DLG2: variants seen among roughly 807,000 people sequenced by gnomAD.
The protein encoded by DLG2 is disks large homolog 2.
A neutral mutation model predicts 132.5 loss-of-function variants in DLG2; 45 were observed. That is an observed-to-expected ratio of 0.34 (90% CI 0.27 to 0.44). DLG2 has a LOEUF of 0.44. Ranked by LOEUF, DLG2 falls within the 20% of genes least tolerant of loss-of-function variation. The pLI, the probability that DLG2 is intolerant of heterozygous loss-of-function variation, is 1.00. For missense variants in DLG2, 1,045 were observed against 1,196.9 expected (o/e 0.87, Z 1.87); for synonymous variants, 424 against 419.6 (o/e 1.01, Z -0.13).
intron 18 of DLG2, among the ~76,000 whole-genome samples, chr11:83,708,248 C>G (rs943633416): frequency 9.9e-5 from 15 of 152,094 alleles, no homozygotes; most frequent in African/African-American, 3.4e-4. Context: ...CTCTAGAACA[C>G]AAAGTACCTA....
intron 3 of DLG2, among the ~76,000 whole-genome samples, chr11:85,335,621 T>TAGCATTTG (rs2082075557): frequency 6.6e-6 from 1 of 152,318 alleles, no homozygotes; most frequent in African/African-American, 2.4e-5. Context: ...TGAATACACT[T>TAGCATTTG]AGCATTTGCT....
At chr11:84,766,140 T>A (rs1395570389) in intron 6 of DLG2, among the ~76,000 whole-genome samples, 1 of 151,960 alleles carries the variant, frequency 6.6e-6, no homozygotes, top group African/African-American at 2.4e-5. Flanking sequence ...AGGAACATTG[T>A]GGAGATGAAC....
At chr11:84,487,930 G>T (rs1191493049) in intron 7 of DLG2, among the ~76,000 whole-genome samples, 1 of 152,162 alleles carries the variant, frequency 6.6e-6, no homozygotes, top group African/African-American at 2.4e-5. Flanking sequence ...ATTTCAGGAA[G>T]ATAATCCCAT....
At chr11:83,823,430 T>C (rs2051436644) in intron 17 of DLG2, among the ~76,000 whole-genome samples, 2 of 152,208 alleles carry the variant, frequency 1.3e-5, no homozygotes, top group Non-Finnish European at 2.9e-5. Flanking sequence ...ATAGAATAGT[T>C]AATTAACATT....
chr11:85,579,666 A>G (rs2078387094), intron 3 of DLG2, among the ~76,000 whole-genome samples: 1 of 152,058 alleles, frequency 6.6e-6, no homozygotes, highest in South Asian at 2.1e-4. Context: ...ATAGGAGATG[A>G]AAAGGCATGA....
intron 6 of DLG2, among the ~76,000 whole-genome samples, chr11:84,608,161 A>G (rs1040607467): frequency 1.3e-5 from 2 of 152,186 alleles, no homozygotes; most frequent in East Asian, 3.9e-4. Context: ...TTCCTCTCAT[A>G]CACAGAGCAC....
rs1450467580 is a variant in DLG2 at position 84,350,179 on chromosome 11, C to A, written c.520-98888G>T. 3.8e-3 allele frequency among the ~76,000 whole-genome samples: 550 copies of A among 143,616 alleles called. 3 individuals are homozygous for A. Among genetic ancestry groups the A allele is most frequent in the African/African-American group, 0.013 (479 of 38,154 alleles). The allele number at this position is 143,616 out of a possible 152,430, so 94.2% of individuals were successfully genotyped here. On this transcript the variant is annotated intron_variant, in intron 7 of 27. Transcript: ENST00000376104. ...GGCGACAGAGAGAGACTTCGTCCCC[C>A]CCCCCAAAAAAAAAAAAAAAAAATC...
intron 6 of DLG2, chr11:84,546,902 G>A: frequency 5.9e-6 from 1 of 169,392 alleles, no homozygotes; most frequent in African/African-American, 2.4e-5. Context: ...AGGGCCAAAA[G>A]GAGTAAGGTG....
intron 3 of DLG2, among the ~76,000 whole-genome samples, chr11:85,567,316 T>A (rs1421277706): frequency 6.6e-6 from 1 of 152,184 alleles, no homozygotes; most frequent in African/African-American, 2.4e-5. Flanking sequence ...AAAATGTCTG[T>A]TTATTTAGGT....
intron 3 of DLG2, among the ~76,000 whole-genome samples, chr11:85,410,153 CAA>C (rs1021653756): frequency 1.2e-4 from 18 of 151,748 alleles, no homozygotes; most frequent in Non-Finnish European, 2.1e-4. Flanking sequence ...TTAATGAAAA[CAA>C]AGAGGAAATT....
chr11:85,531,452 C>T (rs2075204636), intron 3 of DLG2, among the ~76,000 whole-genome samples: 1 of 152,208 alleles, frequency 6.6e-6, no homozygotes, highest in African/African-American at 2.4e-5. Flanking sequence ...TTTGTGCCAG[C>T]ACTTTGGGGT....
chr11:83,929,206 A>G (rs1433097473), intron 15 of DLG2, among the ~76,000 whole-genome samples: 2 of 152,170 alleles, frequency 1.3e-5, no homozygotes, highest in Non-Finnish European at 2.9e-5. Flanking sequence ...TTGACTTCCA[A>G]ACTTATTCTT....
intron 6 of DLG2, among the ~76,000 whole-genome samples, chr11:84,561,970 A>G (rs532539079): frequency 4.5e-4 from 69 of 152,280 alleles, no homozygotes; most frequent in African/African-American, 1.7e-3. Flanking sequence ...ATCTTGATTT[A>G]TACTTATCAA....
At position 85,617,131 on chromosome 11, in the gene DLG2, T is replaced by C. The variant is rs374845644; in HGVS notation, c.-93+9456A>G. Reference sequence around the variant, plus strand: ...AATGGATACTTCTAACATACCTAAATTTACAGACCAAGTCCAGCTCACGGA... The same window carrying C: ...AATGGATACTTCTAACATACCTAAACTTACAGACCAAGTCCAGCTCACGGA... On this transcript the variant is annotated intron_variant, in intron 2 of 27. Coordinates refer to ENST00000376104, the MANE Select transcript of DLG2 (RefSeq NM_001142699.3). Among the ~76,000 whole-genome samples the C allele has an allele frequency of 3.3e-5, 5 of 152,296 alleles. No individual in the cohort carries two copies. The East Asian group carries it at 7.7e-4, about 24-fold the overall frequency.
At chr11:84,011,482 TAAA>T (rs1245238827) in intron 11 of DLG2, among the ~76,000 whole-genome samples, 3 of 151,622 alleles carry the variant, frequency 2.0e-5, no homozygotes, top group Admixed American at 6.6e-5. Flanking sequence ...AATAAATAAA[TAAA>T]TAAATTAATT....
chr11:84,782,834 T>C (rs1943697), intron 6 of DLG2, among the ~76,000 whole-genome samples: 134,003 of 152,162 alleles, frequency 0.88, 59,690 homozygotes, highest in Non-Finnish European at 0.94. Flanking sequence ...GATCTGTCAT[T>C]GATCACTTTT....
At chr11:84,677,163 GT>G (rs2099714594) in intron 6 of DLG2, among the ~76,000 whole-genome samples, 1 of 152,050 alleles carries the variant, frequency 6.6e-6, no homozygotes, top group Non-Finnish European at 1.5e-5. Context: ...AACAATCTTG[GT>G]TACGGCATTC....
intron 4 of DLG2, among the ~76,000 whole-genome samples, chr11:85,260,050 G>C (rs571812892): frequency 6.6e-6 from 1 of 152,104 alleles, no homozygotes; most frequent in African/African-American, 2.4e-5. Context: ...GCAGAACACA[G>C]AATAAAAATT....
At chr11:84,769,972 TTCAGA>T (rs1479791080) in intron 6 of DLG2, among the ~76,000 whole-genome samples, 1 of 152,190 alleles carries the variant, frequency 6.6e-6, no homozygotes, top group Non-Finnish European at 1.5e-5. Context: ...CTCGGTATAG[TTCAGA>T]TATTTGTTTC....
Sources: gnomAD v4.1 joint callset for allele counts (sites outside exome capture counted in the v4.1 genomes callset) on GRCh38, gnomAD v4.1.1 for gene constraint, MANE v1.5 for transcripts, NCBI Gene and HGNC (gene_info 2026-07-23, HGNC 2026-07-21) for gene names.